The following PSD3 variants were observed in gnomAD, a reference collection of about 807,000 sequenced individuals.
The protein encoded by PSD3 is PH and SEC7 domain-containing protein 3.
Under a neutral mutation model 105.5 loss-of-function variants are expected in PSD3, and 49 were observed. The ratio of observed to expected loss-of-function variants is 0.46; its 90% CI spans 0.37 to 0.59. The LOEUF is 0.59. PSD3 is among the 20% of genes least tolerant of loss of function. PSD3 has a pLI of 0.00. For synonymous variants in PSD3, 557 were observed against 457.8 expected (o/e 1.22, Z -2.77); for missense variants, 1,561 against 1,263.8 (o/e 1.24, Z -3.57).
At chr8:18,547,032 G>T (rs1207205137) in intron 15 of PSD3, among the ~76,000 whole-genome samples, 3 of 152,164 alleles carry the variant, frequency 2.0e-5, no homozygotes, top group Non-Finnish European at 4.4e-5. Flanking sequence ...CTAGACAGGG[G>T]CAGGAGCTTG....
At chr8:18,827,055 G>A (rs28697944) in intron 4 of PSD3, among the ~76,000 whole-genome samples, 4,876 of 152,230 alleles carry the variant, frequency 0.032, 183 homozygotes, top group East Asian at 0.094. Flanking sequence ...CAGCTTAAGA[G>A]GAAAACAAAG....
At chr8:18,699,834 C>A (rs1006761104) in intron 9 of PSD3, among the ~76,000 whole-genome samples, 1 of 151,658 alleles carries the variant, frequency 6.6e-6, no homozygotes, top group Non-Finnish European at 1.5e-5. Flanking sequence ...CGCAGTAACA[C>A]ACATTGTACA....
Position 18,666,727 on chromosome 8 carries a change from G to C in PSD3, c.2173-11042C>G, listed in dbSNP as rs989042008. On this transcript the variant is annotated intron_variant, in intron 9 of 15. Coordinates refer to ENST00000327040, the MANE Select transcript of PSD3 (RefSeq NM_015310.4). ...TAGCTTCACTATTGCTTTTTTTTGGGGGGTGGGGGGAAGTAGCTGGAAGCA... is the reference window on the plus strand; with the variant it reads ...TAGCTTCACTATTGCTTTTTTTTGGCGGGTGGGGGGAAGTAGCTGGAAGCA... Among the ~76,000 whole-genome samples the C allele has an allele frequency of 2.0e-5, 3 of 148,176 alleles. No individual in the cohort carries two copies. The East Asian group carries it at 6.1e-4, about 30-fold the overall frequency.
At chr8:18,593,562 G>C (rs905334187) in intron 12 of PSD3, among the ~76,000 whole-genome samples, 3 of 152,164 alleles carry the variant, frequency 2.0e-5, no homozygotes, top group African/African-American at 7.2e-5. Context: ...GGAAGACAGT[G>C]TGGTGATTCC....
At chr8:18,780,434 CT>C (rs1311287861) in intron 8 of PSD3, among the ~76,000 whole-genome samples, 7 of 151,510 alleles carry the variant, frequency 4.6e-5, no homozygotes, top group African/African-American at 1.5e-4. Context: ...TTATTCAGTA[CT>C]TAATTCCTGT....
At chr8:18,993,462 A>G (rs1233314062) in intron 1 of PSD3, among the ~76,000 whole-genome samples, 1 of 149,760 alleles carries the variant, frequency 6.7e-6, no homozygotes. Context: ...AGATAAAACC[A>G]ACTTGACAGC....
intron 4 of PSD3, among the ~76,000 whole-genome samples, chr8:18,806,005 C>T (rs1811162360): frequency 6.6e-6 from 1 of 152,178 alleles, no homozygotes; most frequent in Non-Finnish European, 1.5e-5. Context: ...ACTTAAATGA[C>T]AGACGAATGT....
At chr8:18,983,033 T>C (rs900458574) in intron 1 of PSD3, among the ~76,000 whole-genome samples, 4 of 152,256 alleles carry the variant, frequency 2.6e-5, no homozygotes, top group Admixed American at 2.6e-4. Context: ...AACTGTGATG[T>C]TTAGCATAGC....
intron 11 of PSD3, among the ~76,000 whole-genome samples, chr8:18,604,852 A>G (rs971406746): frequency 6.6e-6 from 1 of 152,218 alleles, no homozygotes; most frequent in African/African-American, 2.4e-5. Context: ...GTTGGCCACA[A>G]ACTTTAGTGG....
chr8:19,018,737 A>G (rs1008703233), intron 1 of PSD3, among the ~76,000 whole-genome samples: 8 of 152,222 alleles, frequency 5.3e-5, no homozygotes, highest in African/African-American at 1.9e-4. Context: ...TCTTGAATCA[A>G]GTGTGTCTGA....
intron 1 of PSD3, among the ~76,000 whole-genome samples, chr8:18,946,972 T>C (rs1822902008): frequency 6.6e-6 from 1 of 150,696 alleles, no homozygotes; most frequent in African/African-American, 2.4e-5. Flanking sequence ...TAATAAAATA[T>C]AAATATATAT....
chr8:18,532,296 T>G lies in PSD3; in HGVS notation c.*3447A>C, dbSNP rs999231554. 2.6e-5 allele frequency: 4 copies of G among 152,228 alleles called. No homozygotes were observed. The allele number at this position is 152,228 out of a possible 1,614,324, so 9.4% of individuals were successfully genotyped here. A position where few individuals can be genotyped will look rare whatever the true frequency, so the allele number is the denominator to read the frequency against. On this transcript the variant is annotated 3_prime_UTR_variant, in exon 16 of 16. Coordinates refer to ENST00000327040, the MANE Select transcript of PSD3 (RefSeq NM_015310.4). ...AAAAATTCTTCCACAATCTCAGAAG[T>G]TCTGTAGCTTGGCCACAGGGTGAAA... is the stretch of plus-strand genomic sequence containing the variant.
At chr8:18,705,865 G>A (rs1314520077) in intron 9 of PSD3, among the ~76,000 whole-genome samples, 6 of 152,174 alleles carry the variant, frequency 3.9e-5, no homozygotes, top group Admixed American at 6.5e-5. Context: ...TATTTTGTAT[G>A]TGGAAAAAGA....
chr8:18,730,951 T>C (rs954661451), intron 9 of PSD3, among the ~76,000 whole-genome samples: 2 of 152,230 alleles, frequency 1.3e-5, no homozygotes, highest in Admixed American at 1.3e-4. Context: ...GTAATGTTTA[T>C]TTTTAAATAA....
intron 12 of PSD3, among the ~76,000 whole-genome samples, chr8:18,592,744 C>G (rs1483928328): frequency 1.3e-5 from 2 of 152,036 alleles, no homozygotes; most frequent in East Asian, 3.9e-4. Context: ...CATATTACAT[C>G]CAGCAAAACT....
At chr8:18,988,820 C>G (rs756955274) in intron 1 of PSD3, among the ~76,000 whole-genome samples, 1 of 152,144 alleles carries the variant, frequency 6.6e-6, no homozygotes. Flanking sequence ...TTCTGAAATT[C>G]TCTTAACCAT....
intron 1 of PSD3, among the ~76,000 whole-genome samples, chr8:18,958,988 T>C (rs930079378): frequency 6.6e-6 from 1 of 151,956 alleles, no homozygotes; most frequent in African/African-American, 2.4e-5. Context: ...CGGTGTGATC[T>C]TGGCTCACTG....
intron 9 of PSD3, among the ~76,000 whole-genome samples, chr8:18,739,633 T>G (rs1804407508): frequency 1.3e-5 from 2 of 152,328 alleles, no homozygotes; most frequent in South Asian, 4.1e-4. Context: ...CTCTAATTTA[T>G]CCTATTTATA....
chr8:18,584,810 C>T (rs1328043661), intron 12 of PSD3, among the ~76,000 whole-genome samples: 5 of 152,052 alleles, frequency 3.3e-5, no homozygotes, highest in South Asian at 2.1e-4. Flanking sequence ...GCTCCTTGTG[C>T]TTATTTGTTT....
Sources: gnomAD v4.1 joint callset for allele counts (sites outside exome capture counted in the v4.1 genomes callset) on GRCh38, gnomAD v4.1.1 for gene constraint, MANE v1.5 for transcripts, NCBI Gene and HGNC (gene_info 2026-07-23, HGNC 2026-07-21) for gene names.